RTN3: variants seen among roughly 807,000 people sequenced by gnomAD.
RTN3 encodes the protein reticulon 3, also known as reticulon-3.
RTN3 carries 49 observed loss-of-function variants against 77.8 expected under a neutral mutation model. That is an observed-to-expected ratio of 0.63 (90% CI 0.50 to 0.80). RTN3 has a LOEUF of 0.80. Among genes scored for constraint, RTN3 ranks in the 30% least tolerant of loss-of-function variants. RTN3 has a pLI of 0.00. For synonymous variants in RTN3, 464 were observed against 446.9 expected (o/e 1.04, Z -0.48); for missense variants, 1,236 against 1,211.9 (o/e 1.02, Z -0.29).
chr11:63,706,312 T>C (rs1322942702), intron 2 of RTN3, among the ~76,000 whole-genome samples: 2 of 152,146 alleles, frequency 1.3e-5, no homozygotes, highest in Admixed American at 6.6e-5. Context: ...ACCTCAGCTT[T>C]CTGAGTAGCT....
In RTN3 at chr11:63,715,780, C is replaced by T. The variant is rs149439731; in HGVS notation, c.200-2922C>T. Among the ~76,000 whole-genome samples, 647 of 152,312 alleles carry T rather than the reference C, an allele frequency of 4.2e-3. 1 individual carries two copies. The highest frequency in any genetic ancestry group is 7.1e-3 in the Non-Finnish European group (483 of 68,022). On this transcript the variant is annotated intron_variant, in intron 2 of 8. Coordinates refer to ENST00000377819, the MANE Select transcript of RTN3 (RefSeq NM_001265589.2). ...AGGTTCCCAAACAGTTTTACCATAA[C>T]CTTAGTTCACTGAATGTTTTGTGGT...
At chr11:63,696,403 A>G (rs188716958) in intron 1 of RTN3, among the ~76,000 whole-genome samples, 166 of 149,118 alleles carry the variant, frequency 1.1e-3, no homozygotes, top group Middle Eastern at 3.6e-3. Context: ...TCTCAAAAGG[A>G]AAAAAAAAGA....
intron 2 of RTN3, among the ~76,000 whole-genome samples, chr11:63,707,152 G>A (rs991115815): frequency 6.6e-6 from 1 of 152,034 alleles, no homozygotes; most frequent in Non-Finnish European, 1.5e-5. Flanking sequence ...GCCTGCCTTG[G>A]CCTCCCAAAG....
At position 63,681,794 on chromosome 11, in the gene RTN3, A is replaced by C; in HGVS notation, c.142+16A>C. The C allele has an allele frequency of 1.3e-6, 2 of 1,547,942 alleles. No homozygotes were observed. Among genetic ancestry groups the C allele is most frequent in the Non-Finnish European group, 1.7e-6 (2 of 1,152,616 alleles). On this transcript the variant is annotated intron_variant, in intron 1 of 8. Transcript: ENST00000377819. ...TCCTGTGCGGGTAAGGCGCGCGGGG[A>C]GCCCCCGCCCTGGGAAAGAGGGCGA...
chr11:63,755,971 C>A (rs999897521), intron 7 of RTN3, 141 bp from the exon 8 acceptor site: 9 of 553,748 alleles, frequency 1.6e-5, no homozygotes, highest in Admixed American at 3.2e-5. Context: ...AAAAAAAAAA[C>A]TTTTAAAAAC....
At chr11:63,707,210 T>C (rs531245253) in intron 2 of RTN3, among the ~76,000 whole-genome samples, 1 of 152,260 alleles carries the variant, frequency 6.6e-6, no homozygotes, top group South Asian at 2.1e-4. Flanking sequence ...AGTCACTTTT[T>C]TCATATAGAA....
At chr11:63,727,937 G>A (rs1468176206) in intron 3 of RTN3, among the ~76,000 whole-genome samples, 1 of 152,114 alleles carries the variant, frequency 6.6e-6, no homozygotes, top group Non-Finnish European at 1.5e-5. Flanking sequence ...CCACCTACTA[G>A]GATAATTACA....
At chr11:63,688,254 C>T (rs1187170815) in intron 1 of RTN3, among the ~76,000 whole-genome samples, 5 of 140,454 alleles carry the variant, frequency 3.6e-5, no homozygotes, top group Non-Finnish European at 6.1e-5. Flanking sequence ...GACGGAGTCT[C>T]GCTCTGTCGC....
intron 1 of RTN3, among the ~76,000 whole-genome samples, chr11:63,701,088 C>CAAA (rs35169888): frequency 7.4e-6 from 1 of 135,518 alleles, no homozygotes. Context: ...GACTCCTTCT[C>CAAA]AAAAAAAAAA....
chr11:63,689,004 C>T (rs780017358), intron 1 of RTN3, among the ~76,000 whole-genome samples: 31 of 152,098 alleles, frequency 2.0e-4, no homozygotes, highest in Non-Finnish European at 3.7e-4. Flanking sequence ...ACAAAGGCTT[C>T]ATTAAGTAAG....
chr11:63,710,159 A>C (rs949330187), intron 2 of RTN3, among the ~76,000 whole-genome samples: 1 of 152,198 alleles, frequency 6.6e-6, no homozygotes, highest in African/African-American at 2.4e-5. Context: ...AAGGGTTTTC[A>C]ATTCAAATGT....
chr11:63,736,557 A>G (rs1353728025), intron 3 of RTN3, among the ~76,000 whole-genome samples: 1 of 152,020 alleles, frequency 6.6e-6, no homozygotes, highest in Admixed American at 6.6e-5. Context: ...ATGTGGTGGC[A>G]CACACCTGTA....
rs748647384 is a variant in RTN3 at position 63,758,192 on chromosome 11, G to T, written c.3090G>T (p.Lys1030Asn). Reference protein sequence around the residue: ...QAKLPGIAKKKAE With the variant: ...QAKLPGIAKKNAE ...AACTCCCTGGAATCGCCAAAAAAAA[G>T]GCAGAATAAGTACATGGAAACCAGA... is the stretch of plus-strand genomic sequence containing the variant. The change falls in exon 9 of 9, where the codon AAG becomes AAT. Residue 1030 changes from lysine to asparagine, a missense_variant. Physicochemically the swap from Lys to Asn is moderately conservative, Grantham distance 94. Coordinates refer to ENST00000377819, the MANE Select transcript of RTN3 (RefSeq NM_001265589.2). 2.8e-5 allele frequency: 45 copies of T among 1,610,198 alleles called. 1 individual carries two copies. Among genetic ancestry groups the T allele is most frequent in the Non-Finnish European group, 3.7e-5 (44 of 1,178,816 alleles).
intron 3 of RTN3, among the ~76,000 whole-genome samples, chr11:63,734,610 T>G (rs965294096): frequency 6.6e-6 from 1 of 150,668 alleles, no homozygotes; most frequent in Non-Finnish European, 1.5e-5. Flanking sequence ...CACACACCTG[T>G]AATCCCAGCT....
At chr11:63,751,771 C>T (rs956617258) in intron 4 of RTN3, among the ~76,000 whole-genome samples, 2 of 152,134 alleles carry the variant, frequency 1.3e-5, no homozygotes, top group Non-Finnish European at 2.9e-5. Flanking sequence ...GCAGGCAGAT[C>T]GCTTGAGGTC....
At chr11:63,754,755 G>A (rs368113286) in intron 7 of RTN3, among the ~76,000 whole-genome samples, 4 of 141,002 alleles carry the variant, frequency 2.8e-5, no homozygotes, top group African/African-American at 5.3e-5. Context: ...GTGAAACCCC[G>A]TCTCTACTAA....
Position 63,752,574 on chromosome 11 carries a change from G to A in RTN3, c.2806G>A (p.Val936Met). 1 of 1,611,712 alleles carries A rather than the reference G, an allele frequency of 6.2e-7. No homozygotes were observed. Residue 936 changes from valine to methionine, a missense_variant, in exon 5 of 9, where the codon GTG becomes ATG. Around this residue, in one of 3 missense-constraint regions of RTN3, gnomAD observed 141 missense variants for 154.9 expected, o/e 0.91. Coordinates refer to ENST00000377819, the MANE Select transcript of RTN3 (RefSeq NM_001265589.2). Reference sequence around the variant, plus strand: ...CCATAATTACATGAATGCTGCCATGGTGCACATCAACAGGGCCCTGAAACT... The same window carrying A: ...CCATAATTACATGAATGCTGCCATGATGCACATCAACAGGGCCCTGAAACT... The part of the protein sequence containing the change: ...AFHNYMNAAM[V>M]HINRALKLII...
intron 2 of RTN3, among the ~76,000 whole-genome samples, chr11:63,709,529 A>T (rs1347328234): frequency 6.6e-6 from 1 of 152,042 alleles, no homozygotes; most frequent in African/African-American, 2.4e-5. Context: ...TACAACCCTG[A>T]ACTTTGGGGG....
chr11:63,720,252 A>G lies in RTN3; in HGVS notation c.1750A>G (p.Lys584Glu). ...RSPASEAACS[K>E]VPDTNVSLED... ...TCCAGCTAGTGAGGCAGCATGTTCAAAAGTACCCGATACGAATGTCTCCTT... is the reference window on the plus strand; with the variant it reads ...TCCAGCTAGTGAGGCAGCATGTTCAGAAGTACCCGATACGAATGTCTCCTT... Residue 584 changes from lysine to glutamate, a missense_variant, in exon 3 of 9, where the codon AAA becomes GAA. Lys to Glu is a moderately conservative substitution (Grantham distance 56). Transcript: ENST00000377819. 2 of 1,614,044 alleles carry G rather than the reference A, an allele frequency of 1.2e-6. No individual in the cohort carries two copies. The highest frequency in any genetic ancestry group is 1.7e-6 in the Non-Finnish European group (2 of 1,179,990).
Sources: allele counts gnomAD v4.1 joint callset (sites outside exome capture counted in the v4.1 genomes callset), GRCh38; gene constraint gnomAD v4.1.1; regional missense constraint gnomAD v4.1.1; transcripts MANE v1.5; gene names NCBI Gene and HGNC (gene_info 2026-07-23, HGNC 2026-07-21).